The following ABCA13 variants were observed in gnomAD, a reference collection of about 807,000 sequenced individuals.
The protein encoded by ABCA13 is ATP binding cassette subfamily A member 13.
In ABCA13, 476 loss-of-function variants were observed where a neutral mutation model predicts 478.7. The ratio of observed to expected loss-of-function variants is 0.99; its 90% CI spans 0.92 to 1.07. The LOEUF is 1.07. Ranked by LOEUF, ABCA13 falls within the 50% of genes least tolerant of loss-of-function variation. The pLI is 0.00. For synonymous variants in ABCA13, 2,252 were observed against 2,158.9 expected (o/e 1.04, Z -1.20); for missense variants, 6,060 against 5,910.6 (o/e 1.03, Z -0.83).
chr7:48,594,886 AC>A (rs764567580), intron 58 of ABCA13, 73 bp downstream of exon 58: 10 of 1,249,562 alleles, frequency 8.0e-6, no homozygotes, highest in Non-Finnish European at 1.2e-5. Flanking sequence ...GCATTTAGGT[AC>A]CTGCACAGTG....
In ABCA13 at chr7:48,376,512, A is replaced by T. The variant is rs1346110467; in HGVS notation, c.11275A>T (p.Ile3759Phe). ...GACATTTGGCTGGGTTTGCTGGATG[A>T]TTCTTTTTGATTCAAGCCTTTATTT... ...GMTFGWVCWM[I>F]LFDSSLYFLC... Residue 3759 changes from isoleucine to phenylalanine, a missense_variant, in exon 35 of 62, where the codon ATT (isoleucine) becomes TTT (phenylalanine). Ile to Phe is a conservative substitution (Grantham distance 21). Around this residue, in one of 3 missense-constraint regions of ABCA13, gnomAD observed 10 missense variants for 30.5 expected, o/e 0.33. Coordinates refer to ENST00000435803, the MANE Select transcript of ABCA13 (RefSeq NM_152701.5). The T allele has an allele frequency of 6.2e-7, 1 of 1,613,878 alleles. No homozygotes were observed.
At chr7:48,320,193 C>T (rs1563044008) in intron 27 of ABCA13, among the ~76,000 whole-genome samples, 1 of 152,166 alleles carries the variant, frequency 6.6e-6, no homozygotes, top group Non-Finnish European at 1.5e-5. Flanking sequence ...CCTCCACTGA[C>T]TATGTTGGGA....
intron 22 of ABCA13, among the ~76,000 whole-genome samples, chr7:48,297,829 C>T (rs1292371689): frequency 6.7e-6 from 1 of 150,004 alleles, no homozygotes; most frequent in East Asian, 1.9e-4. Context: ...AGCTGGAGTA[C>T]AGTGGCGTGA....
At chr7:48,392,968 C>T (rs1457324394) in intron 38 of ABCA13, among the ~76,000 whole-genome samples, 1 of 152,100 alleles carries the variant, frequency 6.6e-6, no homozygotes, top group Non-Finnish European at 1.5e-5. Context: ...TGGAATAGCA[C>T]AAGGAAGATC....
At chr7:48,514,163 C>T (rs1315681827) in intron 51 of ABCA13, among the ~76,000 whole-genome samples, 3 of 152,118 alleles carry the variant, frequency 2.0e-5, no homozygotes, top group African/African-American at 7.2e-5. Flanking sequence ...GGCTGCTGTA[C>T]CCTTAGATTG....
intron 3 of ABCA13, among the ~76,000 whole-genome samples, chr7:48,201,597 G>GC (rs769681536): frequency 6.6e-6 from 1 of 152,176 alleles, no homozygotes; most frequent in Non-Finnish European, 1.5e-5. Context: ...GCAGGCACCT[G>GC]TAGTTCCAAC....
chr7:48,335,580 A>G, intron 28 of ABCA13, 45 bp downstream of exon 28: 1 of 1,511,572 alleles, frequency 6.6e-7, no homozygotes, highest in Non-Finnish European at 9.2e-7. Flanking sequence ...AGCTACTGCT[A>G]GGGCATGTCC....
At chr7:48,448,170 G>A (rs910618228) in intron 42 of ABCA13, among the ~76,000 whole-genome samples, 3 of 152,116 alleles carry the variant, frequency 2.0e-5, no homozygotes, top group African/African-American at 2.4e-5. Flanking sequence ...AGAGAGCAGG[G>A]TTAAGGCTGA....
intron 41 of ABCA13, among the ~76,000 whole-genome samples, chr7:48,421,522 T>G (rs1820740532): frequency 6.6e-6 from 1 of 152,098 alleles, no homozygotes; most frequent in African/African-American, 2.4e-5. Context: ...CAGTGGGAGG[T>G]CCTTCAAGCT....
intron 23 of ABCA13, among the ~76,000 whole-genome samples, 183 bp downstream of exon 23, chr7:48,298,670 G>A (rs1799737831): frequency 6.6e-6 from 1 of 152,188 alleles, no homozygotes; most frequent in African/African-American, 2.4e-5. Flanking sequence ...AGGAACCAAA[G>A]GGTGTCATTG....
At chr7:48,457,717 G>A (rs775258528) in intron 43 of ABCA13, among the ~76,000 whole-genome samples, 2 of 152,112 alleles carry the variant, frequency 1.3e-5, no homozygotes, top group Non-Finnish European at 2.9e-5. Flanking sequence ...CCTTACAAAG[G>A]AGTCCTGCCT....
At chr7:48,362,300 A>G (rs1476332349) in intron 31 of ABCA13, among the ~76,000 whole-genome samples, 1 of 151,390 alleles carries the variant, frequency 6.6e-6, no homozygotes, top group Admixed American at 6.6e-5. Context: ...TGTGTGCATT[A>G]CTATGAATAA....
chr7:48,515,261 T>A (rs901346755), intron 51 of ABCA13, among the ~76,000 whole-genome samples: 1 of 152,202 alleles, frequency 6.6e-6, no homozygotes, highest in African/African-American at 2.4e-5. Context: ...TCCGGATATA[T>A]GAGAATCTTT....
intron 45 of ABCA13, among the ~76,000 whole-genome samples, chr7:48,479,533 G>C (rs1203747141): frequency 6.6e-6 from 1 of 152,080 alleles, no homozygotes; most frequent in African/African-American, 2.4e-5. Flanking sequence ...CCCCTCGACT[G>C]GCTCTTTTAG....
chr7:48,395,800 G>A (rs1816761734), intron 38 of ABCA13, among the ~76,000 whole-genome samples: 1 of 152,208 alleles, frequency 6.6e-6, no homozygotes, highest in Non-Finnish European at 1.5e-5. Context: ...CAAAAGAGGT[G>A]TCAACTGACT....
At position 48,274,495 on chromosome 7, in the gene ABCA13, A is replaced by T. The variant is rs754677392; in HGVS notation, c.4829A>T (p.His1610Leu). ...LASYLAFSLS[H>L]DLQNSPKIII... ...AGTTACCTTGCCTTCAGCTTATCTC[A>T]TGACCTCCAAAATTCACCAAAAATA... Residue 1610 changes from histidine to leucine, a missense_variant, in exon 17 of 62, where the codon CAT becomes CTT. Coordinates refer to ENST00000435803, the MANE Select transcript of ABCA13 (RefSeq NM_152701.5). The T allele has an allele frequency of 3.7e-6, 6 of 1,613,878 alleles. No homozygotes were observed. Among genetic ancestry groups the T allele is most frequent in the Admixed American group, 1.7e-5 (1 of 60,020 alleles).
chr7:48,462,799 G>A (rs1455415641), intron 43 of ABCA13, among the ~76,000 whole-genome samples: 3 of 152,074 alleles, frequency 2.0e-5, no homozygotes, highest in East Asian at 1.9e-4. Flanking sequence ...GTGAGCCACC[G>A]CATCCTGCCA....
chr7:48,509,675 C>A (rs971024246), intron 50 of ABCA13, among the ~76,000 whole-genome samples: 6 of 152,138 alleles, frequency 3.9e-5, no homozygotes, highest in African/African-American at 1.4e-4. Flanking sequence ...TATTCAATCA[C>A]TAATTTAATA....
rs1741958488 is a variant in ABCA13 at position 48,275,287 on chromosome 7, CAAATGAAAGCTCCCGAATGGA to C, written c.5624_5644del (p.Asn1875_Glu1881del). 6.2e-7 allele frequency: 1 copy of C among 1,613,726 alleles called. No individual in the cohort carries two copies. The highest frequency in any genetic ancestry group is 1.1e-5 in the South Asian group (1 of 91,072). On this transcript the variant is annotated inframe_deletion, in exon 17 of 62. Coordinates refer to ENST00000435803, the MANE Select transcript of ABCA13 (RefSeq NM_152701.5). ...CCCCAAGGTGAAGATTCACCATGTTCAAATGAAAGCTCCCGAATGGAAATAACTAGGAAAGTGGTCTGCATA... is the reference window on the plus strand; with the variant it reads ...CCCCAAGGTGAAGATTCACCATGTTCAATAACTAGGAAAGTGGTCTGCATA...
Sources: gnomAD v4.1 joint callset for allele counts (sites outside exome capture counted in the v4.1 genomes callset) on GRCh38, gnomAD v4.1.1 for gene constraint, gnomAD v4.1.1 regional missense constraint, MANE v1.5 for transcripts, NCBI Gene and HGNC (gene_info 2026-07-23, HGNC 2026-07-21) for gene names.